SRGAP3: variants seen among roughly 807,000 people sequenced by gnomAD.
SRGAP3 encodes the protein SLIT-ROBO Rho GTPase-activating protein 3.
Under a neutral mutation model 121.1 loss-of-function variants are expected in SRGAP3, and 39 were observed. The ratio of observed to expected loss-of-function variants is 0.32; its 90% CI spans 0.25 to 0.42. SRGAP3 has a LOEUF of 0.42. Among genes scored for constraint, SRGAP3 ranks in the 10% least tolerant of loss-of-function variants. SRGAP3 has a pLI of 1.00. For missense variants in SRGAP3, 1,213 were observed against 1,470.6 expected, an observed-to-expected ratio of 0.82 and a Z score of 2.86; for synonymous variants, 601 against 570.0, an observed-to-expected ratio of 1.05 and a Z score of -0.77.
chr3:9,345,476 C>T (rs1159349553), intron 1 of SRGAP3, among the ~76,000 whole-genome samples: 1 of 150,068 alleles, frequency 6.7e-6, no homozygotes, highest in Non-Finnish European at 1.5e-5. Flanking sequence ...AGCAAGACCC[C>T]ATCTCAAAAA....
intron 1 of SRGAP3, among the ~76,000 whole-genome samples, chr3:9,159,137 G>A (rs1950522000): frequency 6.6e-6 from 1 of 152,052 alleles, no homozygotes; most frequent in South Asian, 2.1e-4. Flanking sequence ...CTCTTTGCCT[G>A]CCCACCTAGA....
intron 1 of SRGAP3, among the ~76,000 whole-genome samples, chr3:9,215,312 G>A (rs1198539090): frequency 3.9e-5 from 6 of 152,162 alleles, no homozygotes; most frequent in African/African-American, 1.2e-4. Context: ...GAGCCACAGA[G>A]TTGAAAAAGA....
chr3:9,154,851 C>A (rs1950350347), intron 1 of SRGAP3, among the ~76,000 whole-genome samples: 1 of 151,520 alleles, frequency 6.6e-6, no homozygotes, highest in East Asian at 1.9e-4. Flanking sequence ...GTAGAAACTG[C>A]CCTCTCTAGA....
At chr3:9,333,718 G>A (rs1210837686) in intron 1 of SRGAP3, among the ~76,000 whole-genome samples, 1 of 152,006 alleles carries the variant, frequency 6.6e-6, no homozygotes, top group Non-Finnish European at 1.5e-5. Context: ...GTAAGCATCT[G>A]ATCTGCGATA....
chr3:9,059,698 T>A (rs1333967893), intron 6 of SRGAP3: 1 of 209,050 alleles, frequency 4.8e-6, no homozygotes, highest in Non-Finnish European at 9.8e-6. Flanking sequence ...GGAGTCAGTG[T>A]TCCGTTCTCC....
intron 1 of SRGAP3, among the ~76,000 whole-genome samples, chr3:9,211,109 G>A (rs902754325): frequency 3.9e-5 from 6 of 152,114 alleles, no homozygotes; most frequent in African/African-American, 9.7e-5. Flanking sequence ...TTTGCTACAC[G>A]TTTGAACATT....
At chr3:9,134,463 C>T (rs116646719) in intron 1 of SRGAP3, among the ~76,000 whole-genome samples, 3,439 of 152,250 alleles carry the variant, frequency 0.023, 119 homozygotes, top group African/African-American at 0.079. Context: ...ATCACATCTA[C>T]GCACAATCAC....
intron 1 of SRGAP3, among the ~76,000 whole-genome samples, chr3:9,333,734 A>C (rs1057488245): frequency 2.6e-5 from 4 of 152,172 alleles, no homozygotes; most frequent in African/African-American, 9.7e-5. Context: ...CGATAAAAGA[A>C]TGAGGGTACA....
intron 18 of SRGAP3, among the ~76,000 whole-genome samples, chr3:9,009,051 T>C (rs912195101): frequency 1.3e-5 from 2 of 152,224 alleles, no homozygotes; most frequent in African/African-American, 2.4e-5. Context: ...CCCTTGCTCC[T>C]GGATCCAGCT....
At chr3:9,202,912 T>C (rs1952118117) in intron 1 of SRGAP3, among the ~76,000 whole-genome samples, 1 of 152,192 alleles carries the variant, frequency 6.6e-6, no homozygotes, top group Non-Finnish European at 1.5e-5. Flanking sequence ...GAAAACCAAC[T>C]GCAGTGACTG....
chr3:9,208,993 T>C (rs1952354558), intron 1 of SRGAP3, among the ~76,000 whole-genome samples: 1 of 152,212 alleles, frequency 6.6e-6, no homozygotes, highest in African/African-American at 2.4e-5. Context: ...TTCACACTAA[T>C]ACATGGAGAC....
In SRGAP3 at chr3:9,357,395, C is replaced by T. The variant is rs184705156; in HGVS notation, n.214+5445G>A. Among the ~76,000 whole-genome samples, 347 of 152,032 alleles carry T rather than the reference C, an allele frequency of 2.3e-3. 1 individual carries two copies. Among genetic ancestry groups the T allele is most frequent in the South Asian group, 7.3e-3 (35 of 4,800 alleles). On this transcript the variant is annotated intron_variant and non_coding_transcript_variant, in intron 1 of 3. Transcript: ENST00000490889. ...CAACAACGAAAGACATGTGGTCTTT[C>T]GTGTCTGGCATCTTAGCATAATATT... is the stretch of plus-strand genomic sequence containing the variant.
chr3:9,179,794 T>G (rs1484764950), intron 1 of SRGAP3, among the ~76,000 whole-genome samples: 1 of 152,236 alleles, frequency 6.6e-6, no homozygotes, highest in Non-Finnish European at 1.5e-5. Context: ...TTGGCCTTCA[T>G]AAGACCTGAC....
At chr3:9,205,829 C>T (rs575475987) in intron 1 of SRGAP3, among the ~76,000 whole-genome samples, 64 of 152,296 alleles carry the variant, frequency 4.2e-4, no homozygotes, top group African/African-American at 1.4e-3. Context: ...CATTCTATAA[C>T]GTGGATGAAC....
intron 1 of SRGAP3, among the ~76,000 whole-genome samples, chr3:9,232,843 C>T (rs974661887): frequency 1.3e-5 from 2 of 152,152 alleles, no homozygotes; most frequent in African/African-American, 4.8e-5. Flanking sequence ...TGCAGGTGGT[C>T]CAGGAACCAC....
intron 3 of SRGAP3, among the ~76,000 whole-genome samples, chr3:9,261,530 C>T (rs148150771): frequency 0.011 from 1,629 of 151,910 alleles, 19 homozygotes; most frequent in African/African-American, 0.026. Context: ...CTGAAAAACA[C>T]AGCACAAGAA....
At chr3:9,028,243 A>G in intron 12 of SRGAP3, 2 of 1,425,738 alleles carry the variant, frequency 1.4e-6, no homozygotes, top group Non-Finnish European at 2.0e-6. Context: ...CCGAAATGCA[A>G]TGGCAGCCAG....
At chr3:9,176,340 A>G (rs372999461) in intron 1 of SRGAP3, among the ~76,000 whole-genome samples, 29 of 152,260 alleles carry the variant, frequency 1.9e-4, no homozygotes, top group Middle Eastern at 3.2e-3. Flanking sequence ...AGGGCCTCAT[A>G]GGGTACCTAC....
intron 2 of SRGAP3, 115 bp from the exon 3 acceptor site, chr3:9,104,957 CTTG>C: frequency 1.6e-6 from 2 of 1,244,598 alleles, no homozygotes; most frequent in Non-Finnish European, 2.3e-6. Context: ...CAAGGTCAGT[CTTG>C]TTGTTACACC....
Sources: gnomAD v4.1 joint callset for allele counts (sites outside exome capture counted in the v4.1 genomes callset) on GRCh38, gnomAD v4.1.1 for gene constraint, MANE v1.5 for transcripts, NCBI Gene and HGNC (gene_info 2026-07-23, HGNC 2026-07-21) for gene names.